The following CERK variants were observed in gnomAD, a reference collection of about 807,000 sequenced individuals.
The protein encoded by CERK is ceramide kinase, also known as acylsphingosine kinase.
A neutral mutation model predicts 63.4 loss-of-function variants in CERK; 39 were observed. The ratio of observed to expected loss-of-function variants is 0.61; its 90% CI spans 0.48 to 0.80. The LOEUF (loss-of-function observed/expected upper bound fraction) is 0.80. CERK is among the 30% of genes least tolerant of loss of function. The pLI is 0.00. For missense variants in CERK, 670 were observed against 714.1 expected (o/e 0.94, Z 0.70); for synonymous variants, 302 against 280.0 (o/e 1.08, Z -0.78).
chr22:46,722,264 A>T (rs16995650), intron 1 of CERK, among the ~76,000 whole-genome samples: 8,549 of 152,288 alleles, frequency 0.056, 246 homozygotes, highest in African/African-American at 0.091. Context: ...GTTGTGGCCC[A>T]TGGAAATCAA....
rs1348193544 is a variant in CERK, at chr22:46,687,642, G to C, written c.1542-436C>G. Among the ~76,000 whole-genome samples, 2 of 151,944 alleles carry C rather than the reference G, an allele frequency of 1.3e-5. 1 individual carries two copies. Among genetic ancestry groups the C allele is most frequent in the Non-Finnish European group, 2.9e-5 (2 of 68,010 alleles). On this transcript the variant is annotated intron_variant, in intron 12 of 12. Coordinates refer to ENST00000216264, the MANE Select transcript of CERK (RefSeq NM_022766.6). ...AGCGCGCAAGGCCTGCGAGGAGTCT[G>C]TGCGGGGCGACTCAATGCGTGTAAG... is the stretch of plus-strand genomic sequence containing the variant.
At chr22:46,718,390 GACAA>G (rs1425710761) in intron 3 of CERK, among the ~76,000 whole-genome samples, 4 of 152,128 alleles carry the variant, frequency 2.6e-5, no homozygotes, top group Admixed American at 6.5e-5. Flanking sequence ...GGAGTCGAGA[GACAA>G]ACAGAGGAGG....
chr22:46,712,598 G>A (rs1293660707), intron 3 of CERK, among the ~76,000 whole-genome samples: 1 of 152,210 alleles, frequency 6.6e-6, no homozygotes, highest in Non-Finnish European at 1.5e-5. Flanking sequence ...GGGTACACAT[G>A]CTGGGGGCAG....
At chr22:46,724,369 G>T (rs956173529) in intron 1 of CERK, among the ~76,000 whole-genome samples, 3 of 152,222 alleles carry the variant, frequency 2.0e-5, no homozygotes, top group African/African-American at 7.2e-5. Flanking sequence ...AAGTGCTGGG[G>T]GAGTCAAAAG....
At position 46,714,663 on chromosome 22, in the gene CERK, C is replaced by T. The variant is rs2082858415; in HGVS notation, c.380-2370G>A. On this transcript the variant is annotated intron_variant, in intron 3 of 12. Transcript: ENST00000216264. This position sits in a 1 kb window ranked among gnomAD's most constrained non-coding sequence, Gnocchi z 4.4. ...AAAACTCCAAGCCCAGATGATTTCA[C>T]AACTGAATTCTTCCAAACATTTAAG... 6.6e-6 allele frequency among the ~76,000 whole-genome samples: 1 copy of T among 152,132 alleles called. No individual in the cohort carries two copies. The highest frequency in any genetic ancestry group is 1.5e-5 in the Non-Finnish European group (1 of 68,026).
intron 1 of CERK, among the ~76,000 whole-genome samples, chr22:46,728,797 CG>C (rs2082932335): frequency 6.6e-6 from 1 of 152,200 alleles, no homozygotes; most frequent in Admixed American, 6.5e-5. Context: ...GCTCTGGCCT[CG>C]GGGACGTCTG....
chr22:46,716,249 T>G (rs114371480), intron 3 of CERK, among the ~76,000 whole-genome samples: 4,599 of 151,320 alleles, frequency 0.03, 248 homozygotes, highest in African/African-American at 0.11. Context: ...GGAGTGAAGT[T>G]GCATGATCTC....
chr22:46,724,854 C>T (rs1243171715), intron 1 of CERK, among the ~76,000 whole-genome samples: 2 of 152,180 alleles, frequency 1.3e-5, no homozygotes, highest in East Asian at 3.9e-4. Flanking sequence ...CCCGACTCTA[C>T]TAAAAATACA....
At chr22:46,713,508 CAAAAAAAA>C (rs34168827) in intron 3 of CERK, among the ~76,000 whole-genome samples, 2 of 74,292 alleles carry the variant, frequency 2.7e-5, no homozygotes, top group African/African-American at 5.0e-5. Flanking sequence ...GACTTCATCT[CAAAAAAAA>C]AAAAAAAAAA....
chr22:46,732,446 C>T (rs1194745907), intron 1 of CERK, among the ~76,000 whole-genome samples: 3 of 128,290 alleles, frequency 2.3e-5, no homozygotes, highest in Non-Finnish European at 3.3e-5. Flanking sequence ...GTGGGGGGGA[C>T]GGGAAGTAAA....
chr22:46,701,543 G>T, intron 7 of CERK, 93 bp downstream of exon 7: 2 of 1,089,978 alleles, frequency 1.8e-6, no homozygotes, highest in South Asian at 1.4e-5. Context: ...GGACGGCAAC[G>T]GCTGGAACAC....
At chr22:46,692,280 G>A (rs2146543511) in intron 10 of CERK, among the ~76,000 whole-genome samples, 1 of 151,566 alleles carries the variant, frequency 6.6e-6, no homozygotes, top group African/African-American at 2.4e-5. Context: ...ACAAAAATTA[G>A]CCAGGCGTGG....
intron 6 of CERK, among the ~76,000 whole-genome samples, chr22:46,704,446 A>G (rs1038380247): frequency 6.6e-6 from 1 of 152,268 alleles, no homozygotes; most frequent in African/African-American, 2.4e-5. Context: ...ATACAAAGTT[A>G]AAAGACCAAA....
At chr22:46,736,245 C>G (rs1173603219) in intron 1 of CERK, among the ~76,000 whole-genome samples, 4 of 152,274 alleles carry the variant, frequency 2.6e-5, no homozygotes, top group Non-Finnish European at 4.4e-5. Flanking sequence ...CCTGGGGGAC[C>G]AGAAACCATA....
At chr22:46,709,198 A>C (rs2082828271) in intron 5 of CERK, among the ~76,000 whole-genome samples, 1 of 152,220 alleles carries the variant, frequency 6.6e-6, no homozygotes, top group Non-Finnish European at 1.5e-5. Context: ...GCTCAGCCGC[A>C]GGAAGAGCAG....
At chr22:46,711,789 C>T (rs935957436) in intron 4 of CERK, among the ~76,000 whole-genome samples, 2 of 152,138 alleles carry the variant, frequency 1.3e-5, no homozygotes, top group African/African-American at 4.8e-5. Context: ...AATAATCTTA[C>T]AGGATAAAAA....
Position 46,726,926 on chromosome 22 carries a change from C to T in CERK, c.143-5911G>A, listed in dbSNP as rs77413400. Among the ~76,000 whole-genome samples the T allele has an allele frequency of 1.3e-3, 191 of 152,332 alleles. 2 individuals carry two copies. In the East Asian group the frequency reaches 0.032, roughly 25 times the overall value. On this transcript the variant is annotated intron_variant, in intron 1 of 12. Coordinates refer to ENST00000216264, the MANE Select transcript of CERK (RefSeq NM_022766.6). ...ACTGCGTGTCCCCAGCCCTTGCCTCCGCTGCGGCTGCTGCTGTCATACAGG... is the reference window on the plus strand; with the variant it reads ...ACTGCGTGTCCCCAGCCCTTGCCTCTGCTGCGGCTGCTGCTGTCATACAGG...
At position 46,690,140 on chromosome 22, in the gene CERK, T is replaced by C. The variant is rs751863352; in HGVS notation, c.1393A>G (p.Met465Val). 1.3e-5 allele frequency: 21 copies of C among 1,613,888 alleles called. No individual in the cohort carries two copies. The highest frequency in any genetic ancestry group is 1.8e-5 in the Non-Finnish European group (21 of 1,179,992). ...TTGAGGTCGCTGTCCTCATCCTCCA[T>C]GTGCTTCGACGTAAACTGGAATTTC... is the stretch of plus-strand genomic sequence containing the variant. ...VKKFQFTSKH[M>V]EDEDSDLKEG... The change falls in exon 12 of 13, where the codon ATG (methionine) becomes GTG (valine). Residue 465 changes from methionine to valine, a missense_variant. Met to Val is a conservative substitution (Grantham distance 21, BLOSUM62 1). Transcript: ENST00000216264.
chr22:46,693,280 G>A (rs2082740654), intron 10 of CERK, 147 bp downstream of exon 10: 1 of 666,420 alleles, frequency 1.5e-6, no homozygotes, highest in South Asian at 1.7e-5. Flanking sequence ...CGCTGCCTGG[G>A]GCTAAGAAGA....
Sources: gnomAD v4.1 joint callset for allele counts (sites outside exome capture counted in the v4.1 genomes callset) on GRCh38, gnomAD v4.1.1 for gene constraint, Gnocchi (gnomAD v3.1) non-coding constraint, MANE v1.5 for transcripts, NCBI Gene and HGNC (gene_info 2026-07-23, HGNC 2026-07-21) for gene names.